Variants in PAPPA2 observed in about 807,000 individuals in gnomAD.
The protein encoded by PAPPA2 is pappalysin 2.
PAPPA2 carries 86 observed loss-of-function variants against 176.4 expected under a neutral mutation model. That is an observed-to-expected ratio of 0.49 (90% CI 0.41 to 0.58). PAPPA2 has a LOEUF of 0.58. PAPPA2 is among the 20% of genes least tolerant of loss of function. The pLI is 0.00. For synonymous variants in PAPPA2, 809 were observed against 852.2 expected, an observed-to-expected ratio of 0.95 and a Z score of 0.88; for missense variants, 2,073 against 2,256.9, an observed-to-expected ratio of 0.92 and a Z score of 1.65.
chr1:176,586,218 A>G (rs1030144505), intron 2 of PAPPA2, among the ~76,000 whole-genome samples: 1 of 152,102 alleles, frequency 6.6e-6, no homozygotes, highest in African/African-American at 2.4e-5. Flanking sequence ...TTACTTTTAC[A>G]TTTGTTTTAA....
chr1:176,745,985 G>A (rs1005099292), intron 14 of PAPPA2, among the ~76,000 whole-genome samples: 38 of 152,186 alleles, frequency 2.5e-4, no homozygotes, highest in African/African-American at 8.9e-4. Flanking sequence ...ACATCCACAG[G>A]GGTGCCACTG....
At chr1:176,620,542 C>G (rs1387428565) in intron 3 of PAPPA2, among the ~76,000 whole-genome samples, 3 of 152,088 alleles carry the variant, frequency 2.0e-5, no homozygotes, top group Non-Finnish European at 4.4e-5. Context: ...GCTTTGCAGA[C>G]CTTACAATTT....
intron 1 of PAPPA2, among the ~76,000 whole-genome samples, chr1:176,526,433 C>T (rs1649504320): frequency 6.6e-6 from 1 of 152,176 alleles, no homozygotes; most frequent in Non-Finnish European, 1.5e-5. Flanking sequence ...CCAGTGTAAT[C>T]CTTTGGGCTT....
chr1:176,813,074 G>A (rs1033118381), intron 21 of PAPPA2, among the ~76,000 whole-genome samples: 1 of 152,092 alleles, frequency 6.6e-6, no homozygotes, highest in African/African-American at 2.4e-5. Context: ...AGTTTGCTGA[G>A]GATAATGGCT....
At position 176,556,322 on chromosome 1, in the gene PAPPA2, TATG is replaced by T; in HGVS notation, c.4_6del (p.Met2?). 6.2e-7 allele frequency: 1 copy of T among 1,612,454 alleles called. No homozygotes were observed. The highest frequency in any genetic ancestry group is 8.5e-7 in the Non-Finnish European group (1 of 1,179,208). On this transcript the variant is annotated start_lost and inframe_deletion, in exon 2 of 23. Transcript: ENST00000367662. ...GTTCTGTAGAAAGAGCTAGGGGAGG[TATG>T]ATGTGCTTAAAGATCCTAAGAATAA...
intron 1 of PAPPA2, among the ~76,000 whole-genome samples, chr1:176,472,210 C>T (rs1651910453): frequency 2.6e-5 from 4 of 152,126 alleles, no homozygotes; most frequent in Admixed American, 2.6e-4. Flanking sequence ...TTCTTTTATT[C>T]AATTGTTTTC....
At chr1:176,568,882 C>T (rs73044522) in intron 2 of PAPPA2, among the ~76,000 whole-genome samples, 1,672 of 152,278 alleles carry the variant, frequency 0.011, 27 homozygotes, top group African/African-American at 0.038. Context: ...CCAAGAGGAG[C>T]ATTTTCAAAT....
Position 176,765,676 on chromosome 1 carries a change from C to T in PAPPA2, c.4162C>T (p.Arg1388Trp), listed in dbSNP as rs199868465. The change falls in exon 15 of 23, where the codon CGG becomes TGG. Residue 1388 changes from arginine (R) to tryptophan (W), a missense_variant. Physicochemically the swap from Arg to Trp is moderately radical, Grantham distance 101. This residue lies in a region of PAPPA2 where 846 missense variants were observed against 857.9 expected (regional missense o/e 0.99). Coordinates refer to ENST00000367662, the MANE Select transcript of PAPPA2 (RefSeq NM_020318.3). ...TTTCTCTTATCCCAGCTGTATCCAT[C>T]GGCCCTGTGGGAAGCAGGACAGCTG... ...QNHQGQSCIH[R>W]PCGKQDSCPS... 12 of 1,613,836 alleles carry T rather than the reference C, an allele frequency of 7.4e-6. No homozygotes were observed. Among genetic ancestry groups the T allele is most frequent in the Middle Eastern group, 1.7e-4 (1 of 6,060 alleles).
chr1:176,584,191 C>A (rs1166185894), intron 2 of PAPPA2, among the ~76,000 whole-genome samples: 1 of 152,046 alleles, frequency 6.6e-6, no homozygotes, highest in Admixed American at 6.5e-5. Context: ...GTCTATAGAC[C>A]AGTTCAAATT....
At chr1:176,503,784 A>G (rs1460666800) in intron 1 of PAPPA2, among the ~76,000 whole-genome samples, 1 of 152,202 alleles carries the variant, frequency 6.6e-6, no homozygotes, top group Admixed American at 6.6e-5. Flanking sequence ...TTCCATGCTC[A>G]GAAGGCAGAT....
At position 176,594,614 on chromosome 1, in the gene PAPPA2, G is replaced by T. The variant is rs150105070; in HGVS notation, c.1010G>T (p.Arg337Leu). ...SGKDKGKRDA[R>L]FFFSLCTDRV... The stretch of plus-strand genomic sequence containing the variant: ...AAGGACAAGGGAAAGCGGGATGCTC[G>T]CTTCTTCTTCTCCCTCTGCACCGAC... Residue 337 changes from arginine to leucine, a missense_variant, in exon 3 of 23, where the codon CGC becomes CTC. Arg to Leu is a moderately radical substitution (Grantham distance 102, BLOSUM62 -2). Around this residue, in one of 4 missense-constraint regions of PAPPA2, gnomAD observed 1,196 missense variants for 1,330.4 expected, o/e 0.90. Coordinates refer to ENST00000367662, the MANE Select transcript of PAPPA2 (RefSeq NM_020318.3). The T allele has an allele frequency of 1.2e-5, 20 of 1,614,066 alleles. No individual in the cohort carries two copies. Among genetic ancestry groups the T allele is most frequent in the Non-Finnish European group, 1.7e-5 (20 of 1,180,042 alleles).
intron 1 of PAPPA2, among the ~76,000 whole-genome samples, chr1:176,540,902 T>A (rs1489742571): frequency 6.6e-6 from 1 of 152,174 alleles, no homozygotes; most frequent in Non-Finnish European, 1.5e-5. Context: ...CTCAAGAAGT[T>A]CTCAAATCCT....
At chr1:176,801,442 A>C (rs1665680927) in intron 21 of PAPPA2, among the ~76,000 whole-genome samples, 1 of 152,086 alleles carries the variant, frequency 6.6e-6, no homozygotes. Flanking sequence ...GTTTGAGAGA[A>C]AAGGGAAAAC....
chr1:176,815,688 C>T (rs1341253575), intron 21 of PAPPA2, among the ~76,000 whole-genome samples: 1 of 151,920 alleles, frequency 6.6e-6, no homozygotes, highest in Non-Finnish European at 1.5e-5. Context: ...TGCTTGTATA[C>T]GTGTTAGGGA....
intron 1 of PAPPA2, among the ~76,000 whole-genome samples, chr1:176,491,322 G>C: frequency 1.3e-5 from 2 of 152,228 alleles, no homozygotes; most frequent in East Asian, 3.8e-4. Flanking sequence ...GAGTCTTGAA[G>C]TGGGAAAAAT....
At chr1:176,478,149 C>T (rs1652226539) in intron 1 of PAPPA2, among the ~76,000 whole-genome samples, 1 of 152,168 alleles carries the variant, frequency 6.6e-6, no homozygotes, top group South Asian at 2.1e-4. Context: ...GAAGCTTGTG[C>T]CAGACTATGG....
At chr1:176,607,939 T>C (rs1239768473) in intron 3 of PAPPA2, among the ~76,000 whole-genome samples, 4 of 152,218 alleles carry the variant, frequency 2.6e-5, no homozygotes, top group Non-Finnish European at 4.4e-5. Flanking sequence ...TTTAAAAGCA[T>C]GTTAAAGTGA....
intron 1 of PAPPA2, among the ~76,000 whole-genome samples, chr1:176,548,988 G>A (rs1650786461): frequency 6.6e-6 from 1 of 152,112 alleles, no homozygotes; most frequent in African/African-American, 2.4e-5. Flanking sequence ...TATATATGAA[G>A]TGGCCAGAAC....
At chr1:176,578,332 C>A (rs903215285) in intron 2 of PAPPA2, among the ~76,000 whole-genome samples, 3 of 152,168 alleles carry the variant, frequency 2.0e-5, no homozygotes, top group Admixed American at 6.5e-5. Flanking sequence ...GGAAAATCAA[C>A]CACATGTAGT....
Sources: allele counts gnomAD v4.1 joint callset (sites outside exome capture counted in the v4.1 genomes callset), GRCh38; gene constraint gnomAD v4.1.1; regional missense constraint gnomAD v4.1.1; transcripts MANE v1.5; gene names NCBI Gene and HGNC (gene_info 2026-07-23, HGNC 2026-07-21).